The following SNX18 variants were observed in gnomAD, a reference collection of about 807,000 sequenced individuals.
The protein encoded by SNX18 is sorting nexin 18.
In SNX18, 35 loss-of-function variants were observed where a neutral mutation model predicts 48.7. That is an observed-to-expected ratio of 0.72 (90% CI 0.55 to 0.95). SNX18 has a LOEUF of 0.95. SNX18 is among the 40% of genes least tolerant of loss of function. The pLI is 0.00. For missense variants in SNX18, 824 were observed against 871.0 expected, an observed-to-expected ratio of 0.95 and a Z score of 0.68; for synonymous variants, 492 against 384.7, an observed-to-expected ratio of 1.28 and a Z score of -3.26.
the SNX18 span, among the ~76,000 whole-genome samples, chr5:54,600,405 T>C: frequency 2.7e-3 from 413 of 152,328 alleles, no homozygotes; most frequent in Non-Finnish European, 4.9e-3. Context: ...TCAACCATTA[T>C]GGAAGATGGT....
At chr5:54,629,999 A>G in the SNX18 span, among the ~76,000 whole-genome samples, 36 of 152,330 alleles carry the variant, frequency 2.4e-4, no homozygotes, top group Non-Finnish European at 4.9e-4. Context: ...CATATTAAAC[A>G]CTTTAAAGGA....
chr5:54,581,283 C>T, the SNX18 span, among the ~76,000 whole-genome samples: 1 of 152,030 alleles, frequency 6.6e-6, no homozygotes, highest in Admixed American at 6.6e-5. Context: ...TCATGTGGTT[C>T]CACTGTGTGG....
the SNX18 span, among the ~76,000 whole-genome samples, chr5:54,622,314 C>A: frequency 1.3e-5 from 2 of 152,096 alleles, no homozygotes; most frequent in Admixed American, 1.3e-4. Flanking sequence ...ACCTGGGCAA[C>A]AAGGTGAAAT....
At chr5:54,583,613 C>T in the SNX18 span, among the ~76,000 whole-genome samples, 10 of 152,178 alleles carry the variant, frequency 6.6e-5, no homozygotes, top group African/African-American at 2.4e-4. Flanking sequence ...GTTATTTTAC[C>T]AATGCTTAGC....
chr5:54,556,891 C>T, the SNX18 span, among the ~76,000 whole-genome samples: 16 of 152,184 alleles, frequency 1.1e-4, no homozygotes, highest in East Asian at 1.3e-3. Flanking sequence ...TCTGGCATGT[C>T]CATTTACATT....
chr5:54,630,690 C>G, the SNX18 span, among the ~76,000 whole-genome samples: 1 of 151,990 alleles, frequency 6.6e-6, no homozygotes, highest in Non-Finnish European at 1.5e-5. Context: ...AAAAATTAGC[C>G]GGGCATGGTG....
chr5:54,527,362 G>T lies in SNX18; in HGVS notation c.1621+7789G>T, dbSNP rs879616332. 1.7e-3 allele frequency among the ~76,000 whole-genome samples: 264 copies of T among 151,978 alleles called. 2 individuals are homozygous for T. Among genetic ancestry groups the T allele is most frequent in the Admixed American group, 0.016 (239 of 15,264 alleles). On this transcript the variant is annotated intron_variant, in intron 1 of 1. Coordinates refer to ENST00000381410, the MANE Select transcript of SNX18 (RefSeq NM_001102575.2). The stretch of plus-strand genomic sequence containing the variant: ...CAGAGGTGGTGGTCGGGGAGCCGGG[G>T]GGGGGGGTCCCCCTCCAGCTATATT...
At position 54,545,815 on chromosome 5, in the gene SNX18, T is replaced by A. The variant is rs888789427; in HGVS notation, c.*2383T>A. On this transcript the variant is annotated 3_prime_UTR_variant, in exon 2 of 2. Coordinates refer to ENST00000381410, the MANE Select transcript of SNX18 (RefSeq NM_001102575.2). Reference sequence around the variant, plus strand: ...AAAGCCATTATCATGTGTATGCTGGTCATCATGATCAGTGTGGTACAATTT... The same window carrying A: ...AAAGCCATTATCATGTGTATGCTGGACATCATGATCAGTGTGGTACAATTT... The A allele has an allele frequency of 5.3e-5, 8 of 152,228 alleles. No homozygotes were observed. Among genetic ancestry groups the A allele is most frequent in the African/African-American group, 1.7e-4 (7 of 41,458 alleles). 9.4% of individuals were successfully genotyped at this position (152,228 alleles called of 1,614,324 possible).
the SNX18 span, among the ~76,000 whole-genome samples, chr5:54,633,383 G>A: frequency 6.6e-6 from 1 of 152,136 alleles, no homozygotes; most frequent in East Asian, 1.9e-4. Context: ...TAGATCCTGA[G>A]TCTTGGTTTC....
chr5:54,642,379 T>C, the SNX18 span, among the ~76,000 whole-genome samples: 1 of 151,754 alleles, frequency 6.6e-6, no homozygotes, highest in East Asian at 1.9e-4. Context: ...TTAGTTATGT[T>C]GGGTTTTTTT....
chr5:54,523,441 A>G (rs1026843467), intron 1 of SNX18, among the ~76,000 whole-genome samples: 2 of 152,234 alleles, frequency 1.3e-5, no homozygotes, highest in African/African-American at 4.8e-5. Context: ...ATTATGAGAA[A>G]TACTGGTTTC....
At chr5:54,554,829 C>G in the SNX18 span, among the ~76,000 whole-genome samples, 1 of 152,164 alleles carries the variant, frequency 6.6e-6, no homozygotes, top group Non-Finnish European at 1.5e-5. Context: ...AAAATAATAT[C>G]GAGCAGGGAT....
chr5:54,548,357 C>G (rs1762606593), downstream of SNX18, among the ~76,000 whole-genome samples: 1 of 152,284 alleles, frequency 6.6e-6, no homozygotes, highest in African/African-American at 2.4e-5. Context: ...TCTGAAGTGG[C>G]CAGATGCATC....
chr5:54,615,643 T>C, the SNX18 span, among the ~76,000 whole-genome samples: 4 of 152,234 alleles, frequency 2.6e-5, no homozygotes, highest in African/African-American at 9.6e-5. Context: ...GTGCCTATCT[T>C]GGGTATGCCA....
the SNX18 span, among the ~76,000 whole-genome samples, chr5:54,612,263 T>A: frequency 5.8e-5 from 4 of 69,390 alleles, no homozygotes; most frequent in East Asian, 6.8e-4. Flanking sequence ...AATTTTTTTT[T>A]ATTTTTTTTT....
chr5:54,536,453 T>G (rs1014968170), intron 1 of SNX18, among the ~76,000 whole-genome samples: 5 of 150,964 alleles, frequency 3.3e-5, no homozygotes, highest in Non-Finnish European at 7.4e-5. Flanking sequence ...ATTGTTCAAT[T>G]CCACCTATGA....
chr5:54,552,915 A>G, the SNX18 span, among the ~76,000 whole-genome samples: 136,845 of 152,114 alleles, frequency 0.9, 61,617 homozygotes, highest in East Asian at 0.95. Flanking sequence ...AGGTGGTCAG[A>G]AAAGGCCTCC....
the SNX18 span, among the ~76,000 whole-genome samples, chr5:54,634,226 G>T: frequency 2.0e-5 from 3 of 152,162 alleles, no homozygotes; most frequent in African/African-American, 7.2e-5. Context: ...TCCTTATAAG[G>T]CTATGGTTGA....
the SNX18 span, among the ~76,000 whole-genome samples, chr5:54,588,586 C>T: frequency 6.6e-6 from 1 of 152,066 alleles, no homozygotes; most frequent in African/African-American, 2.4e-5. Context: ...CTCAGCCTCC[C>T]AAAGTGCTGG....
Sources: gnomAD v4.1 joint callset for allele counts (sites outside exome capture counted in the v4.1 genomes callset) on GRCh38, gnomAD v4.1.1 for gene constraint, MANE v1.5 for transcripts, NCBI Gene and HGNC (gene_info 2026-07-23, HGNC 2026-07-21) for gene names.